Variants in CLNK observed in about 807,000 individuals in gnomAD.
CLNK encodes cytokine dependent hematopoietic cell linker, also known as cytokine-dependent hematopoietic cell linker.
Under a neutral mutation model 68.6 loss-of-function variants are expected in CLNK, and 74 were observed. The observed-to-expected ratio is 1.08, with a 90% confidence interval of 0.89 to 1.31. The LOEUF is 1.31. Ranked by LOEUF, CLNK falls within the 50% of genes most tolerant of loss-of-function variation. The pLI is 0.00. For synonymous variants in CLNK, 198 were observed against 172.2 expected (o/e 1.15, Z -1.17); for missense variants, 553 against 515.3 (o/e 1.07, Z -0.71).
rs146150017 is a variant in CLNK, at chr4:10,640,080, G to C, written c.11+27779C>G. On this transcript the variant is annotated intron_variant, in intron 2 of 18. Transcript: ENST00000226951. ...TACAGTCTAACTTTCAACACAATAA[G>C]TATGCTTCTTGTTTCTGAAGCCTCT... 4.4e-3 allele frequency among the ~76,000 whole-genome samples: 673 copies of C among 152,232 alleles called. 5 individuals carry two copies. The highest frequency in any genetic ancestry group is 0.015 in the African/African-American group (643 of 41,534).
intron 14 of CLNK, among the ~76,000 whole-genome samples, chr4:10,525,286 C>T (rs1463124904): frequency 6.6e-6 from 1 of 152,118 alleles, no homozygotes; most frequent in South Asian, 2.1e-4. Context: ...AGGATGGTCT[C>T]GATCTCCTGA....
chr4:10,587,361 A>G (rs1721007642), intron 3 of CLNK, among the ~76,000 whole-genome samples: 1 of 152,162 alleles, frequency 6.6e-6, no homozygotes, highest in Non-Finnish European at 1.5e-5. Context: ...CCATGCTTTG[A>G]AAAGCCCCGA....
chr4:10,505,162 C>T (rs958570027), intron 17 of CLNK, among the ~76,000 whole-genome samples: 1 of 152,172 alleles, frequency 6.6e-6, no homozygotes, highest in African/African-American at 2.4e-5. Context: ...TCTACCATCA[C>T]CAGGTTTGCC....
chr4:10,590,339 C>T (rs1721138038), intron 3 of CLNK, among the ~76,000 whole-genome samples: 2 of 152,226 alleles, frequency 1.3e-5, no homozygotes, highest in African/African-American at 4.8e-5. Context: ...ATGAAGTAGA[C>T]AGGGCATGCT....
intron 2 of CLNK, among the ~76,000 whole-genome samples, chr4:10,660,044 G>A (rs1724133055): frequency 6.6e-6 from 1 of 152,106 alleles, no homozygotes; most frequent in Admixed American, 6.5e-5. Context: ...CATAAATGCT[G>A]GACTTTATTA....
chr4:10,537,619 CTCTTTCTTTCTTTCTT>C (rs754192559), intron 11 of CLNK, among the ~76,000 whole-genome samples: 213 of 141,442 alleles, frequency 1.5e-3, no homozygotes, highest in African/African-American at 2.0e-3. Context: ...CTTTCTCTCT[CTCTTTCTTTCTTTCTT>C]TCTCTTTCTT....
chr4:10,528,085 C>T lies in CLNK; in HGVS notation c.640G>A (p.Ala214Thr). 2 of 1,351,748 alleles carry T rather than the reference C, an allele frequency of 1.5e-6. No homozygotes were observed. The highest frequency in any genetic ancestry group is 1.9e-6 in the Non-Finnish European group (2 of 1,030,682). The allele number at this position is 1,351,748 out of a possible 1,614,324, so 83.7% of individuals were successfully genotyped here. The part of the protein sequence containing the change: ...SLRDLSEVLE[A>T]EKVPHNQRKP... The stretch of plus-strand genomic sequence containing the variant: ...AATGTAAACAATTCACCTTTTTCTG[C>T]TTCAAGGACCTGTATTGAATTAAAA... Residue 214 changes from alanine to threonine, a missense_variant, in exon 13 of 19, where the codon GCA becomes ACA. Physicochemically the swap from Ala to Thr is moderately conservative, Grantham distance 58 (BLOSUM62 0). Transcript: ENST00000226951.
In CLNK at chr4:10,608,785, TG is replaced by T. The variant is rs1232063484; in HGVS notation, c.12-10737del. On this transcript the variant is annotated intron_variant, in intron 2 of 18. Coordinates refer to ENST00000226951, the MANE Select transcript of CLNK (RefSeq NM_052964.4). ...GCTGCTATAACAAATTACCATAGGC[TG>T]GGGGGCTTGAATAGCAAACATTTAT... Among the ~76,000 whole-genome samples, 6 of 152,332 alleles carry T rather than the reference TG, an allele frequency of 3.9e-5. No homozygotes were observed. In the East Asian group the frequency reaches 1.2e-3, roughly 29 times the overall value.
At chr4:10,495,571 T>A (rs1716769486) in intron 18 of CLNK, among the ~76,000 whole-genome samples, 1 of 152,162 alleles carries the variant, frequency 6.6e-6, no homozygotes, top group Admixed American at 6.5e-5. Flanking sequence ...TTCCCCCCAA[T>A]ATGTCCATGT....
At chr4:10,509,105 C>CAAAAAA (rs35503820) in intron 16 of CLNK, among the ~76,000 whole-genome samples, 2 of 105,460 alleles carry the variant, frequency 1.9e-5, no homozygotes, top group African/African-American at 3.8e-5. Flanking sequence ...GACTCGGTCT[C>CAAAAAA]AAAAAAAAAA....
At chr4:10,542,472 A>G (rs1314150981) in intron 8 of CLNK, among the ~76,000 whole-genome samples, 192 bp from the exon 9 acceptor site, 2 of 152,024 alleles carry the variant, frequency 1.3e-5, no homozygotes, top group Non-Finnish European at 2.9e-5. Context: ...TTAAATCCTC[A>G]CCCTTGTTCG....
chr4:10,581,090 G>A (rs1720763618), intron 4 of CLNK, among the ~76,000 whole-genome samples: 1 of 152,020 alleles, frequency 6.6e-6, no homozygotes, highest in Admixed American at 6.6e-5. Context: ...TTACCATTGT[G>A]TTACAACTGC....
Position 10,489,716 on chromosome 4 carries a change from G to GC in CLNK, c.*750_*751insG, listed in dbSNP as rs1716485951. On this transcript the variant is annotated 3_prime_UTR_variant, in exon 19 of 19. Coordinates refer to ENST00000226951, the MANE Select transcript of CLNK (RefSeq NM_052964.4). ...GTCTCTCTGTCCCCAGGCTGGATTG[G>GC]AGTGCAGTGGCGCGATTTCGGCTCA... 6.8e-5 allele frequency: 1 copy of GC among 14,708 alleles called. No individual in the cohort carries two copies. Among genetic ancestry groups the GC allele is most frequent in the Non-Finnish European group, 2.4e-4 (1 of 4,166 alleles). The allele number at this position is 14,708 out of a possible 1,614,324, so 0.9% of individuals were successfully genotyped here.
Position 10,525,829 on chromosome 4 carries a change from C to T in CLNK, c.731+12G>A, listed in dbSNP as rs1213558580. 1.9e-6 allele frequency: 3 copies of T among 1,545,336 alleles called. No individual in the cohort carries two copies. The East Asian group carries it at 6.9e-5, about 36-fold the overall frequency. ...CAGCCTCAGACCTGAGAAAGGATTC[C>T]TGGCTCCTTACCTGCTAATGGCAAG... On this transcript the variant is annotated intron_variant, in intron 14 of 18. Coordinates refer to ENST00000226951, the MANE Select transcript of CLNK (RefSeq NM_052964.4).
chr4:10,491,922 C>T lies in CLNK; in HGVS notation c.1141-1309G>A, dbSNP rs372180192. Among the ~76,000 whole-genome samples, 11 of 152,174 alleles carry T rather than the reference C, an allele frequency of 7.2e-5. No homozygotes were observed. In the South Asian group the frequency reaches 2.1e-3, roughly 29 times the overall value. On this transcript the variant is annotated intron_variant, in intron 18 of 18. Coordinates refer to ENST00000226951, the MANE Select transcript of CLNK (RefSeq NM_052964.4). The stretch of plus-strand genomic sequence containing the variant: ...GTAGGTGATTTTTCATCCCTTAGCC[C>T]CCTTCTCACCCTCTCCCTCTCTGAG...
the CLNK span, among the ~76,000 whole-genome samples, chr4:10,691,912 CTAGAA>C: frequency 7.2e-5 from 11 of 152,032 alleles, no homozygotes; most frequent in Admixed American, 2.0e-4. Context: ...AAGGAGACTC[CTAGAA>C]TAGAAGATAA....
chr4:10,499,575 C>T (rs1003968888), intron 18 of CLNK, among the ~76,000 whole-genome samples: 2 of 152,170 alleles, frequency 1.3e-5, no homozygotes, highest in African/African-American at 4.8e-5. Context: ...GCAGCCCTAG[C>T]AATGTGCCCT....
At chr4:10,526,133 T>C (rs909205793) in intron 13 of CLNK, among the ~76,000 whole-genome samples, 6 of 152,150 alleles carry the variant, frequency 3.9e-5, no homozygotes, top group African/African-American at 1.4e-4. Flanking sequence ...TAAAAATCAC[T>C]TTTAATATTT....
chr4:10,524,327 G>C (rs1188093619), intron 14 of CLNK, among the ~76,000 whole-genome samples: 2 of 152,098 alleles, frequency 1.3e-5, no homozygotes, highest in African/African-American at 4.8e-5. Context: ...CGATATACAG[G>C]GCCTGGCAAT....
Sources: gnomAD v4.1 joint callset for allele counts (sites outside exome capture counted in the v4.1 genomes callset) on GRCh38, gnomAD v4.1.1 for gene constraint, MANE v1.5 for transcripts, NCBI Gene and HGNC (gene_info 2026-07-23, HGNC 2026-07-21) for gene names.